Variants in TNRC6B observed in about 807,000 individuals in gnomAD.
TNRC6B encodes the protein trinucleotide repeat-containing gene 6B protein.
TNRC6B carries 52 observed loss-of-function variants against 203.6 expected under a neutral mutation model. That is an observed-to-expected ratio of 0.26 (90% CI 0.20 to 0.32). The LOEUF (loss-of-function observed/expected upper bound fraction) is 0.32. Among genes scored for constraint, TNRC6B ranks in the 10% least tolerant of loss-of-function variants. TNRC6B has a pLI of 1.00. For missense variants in TNRC6B, 1,923 were observed against 2,286.2 expected, an observed-to-expected ratio of 0.84 and a Z score of 3.24; for synonymous variants, 838 against 845.7, an observed-to-expected ratio of 0.99 and a Z score of 0.16.
intron 12 of TNRC6B, among the ~76,000 whole-genome samples, chr22:40,286,044 A>G (rs2070775481): frequency 6.6e-6 from 1 of 152,200 alleles, no homozygotes; most frequent in African/African-American, 2.4e-5. Context: ...TGAAAAGCTT[A>G]TTATTCTATT....
Position 40,195,376 on chromosome 22 carries a change from G to A in TNRC6B, c.5+17236G>A, listed in dbSNP as rs141144336. On this transcript the variant is annotated intron_variant, in intron 1 of 22. Transcript: ENST00000454349. ...TCCCAGTGTTTTCTTTTGAGGCCAC[G>A]TGTTTGAAATGTCTAACCTGCTGGG... 1.5e-3 allele frequency among the ~76,000 whole-genome samples: 228 copies of A among 152,274 alleles called. 1 individual carries two copies. Among genetic ancestry groups the A allele is most frequent in the African/African-American group, 5.2e-3 (217 of 41,568 alleles).
chr22:40,278,124 G>A, intron 9 of TNRC6B, 80 bp downstream of exon 9: 1 of 1,097,910 alleles, frequency 9.1e-7, no homozygotes, highest in East Asian at 2.6e-5. Flanking sequence ...AATTTGATTA[G>A]GGATAGGTGC....
At chr22:40,253,153 C>G (rs1212218519) in intron 3 of TNRC6B, among the ~76,000 whole-genome samples, 1 of 149,726 alleles carries the variant, frequency 6.7e-6, no homozygotes, top group East Asian at 1.9e-4. Flanking sequence ...GCGATCTCGG[C>G]TCACTGCAAG....
chr22:40,114,608 G>A (rs920360189), intron 1 of TNRC6B, among the ~76,000 whole-genome samples: 11 of 152,124 alleles, frequency 7.2e-5, no homozygotes, highest in African/African-American at 2.7e-4. Flanking sequence ...GATTATAGGA[G>A]TGAGCCACCA....
chr22:40,230,306 T>A (rs868771271), intron 1 of TNRC6B, among the ~76,000 whole-genome samples: 50 of 122,328 alleles, frequency 4.1e-4, no homozygotes, highest in African/African-American at 1.3e-3. Flanking sequence ...TTTTTTTTTT[T>A]AAAGACAGGT....
chr22:40,323,155 C>G lies in TNRC6B; in HGVS notation c.5416C>G (p.Pro1806Ala). The change falls in exon 23 of 23, where the codon CCA (proline) becomes GCA (alanine). Residue 1806 changes from proline to alanine, a missense_variant. Around this residue, in one of 8 missense-constraint regions of TNRC6B, gnomAD observed 126 missense variants for 137.5 expected, o/e 0.92. Coordinates refer to ENST00000454349, the MANE Select transcript of TNRC6B (RefSeq NM_001162501.2). ...CTATTCTTCTAGCTTATGGGGAGTC[C>G]CAACGGTGGAAGATCCCCATAGGAT... ...PNYSSSLWGV[P>A]TVEDPHRMGS... 6.2e-7 allele frequency: 1 copy of G among 1,613,846 alleles called. No homozygotes were observed. The highest frequency in any genetic ancestry group is 8.5e-7 in the Non-Finnish European group (1 of 1,179,860).
chr22:40,065,471 A>G (rs1466110670), intron 1 of TNRC6B, among the ~76,000 whole-genome samples: 1 of 152,060 alleles, frequency 6.6e-6, no homozygotes, highest in Non-Finnish European at 1.5e-5. Flanking sequence ...TTTTTTTATT[A>G]TGAATTTAGT....
chr22:40,222,728 C>CTCTTTTTTTTTTTTTTTTTTTTTT (rs2069728214), intron 1 of TNRC6B, among the ~76,000 whole-genome samples: 1 of 40,184 alleles, frequency 2.5e-5, no homozygotes, highest in Non-Finnish European at 4.0e-5. Context: ...CTCTCTCTCT[C>CTCTTTTTTTTTTTTTTTTTTTTTT]TTTTTTTTTT....
chr22:40,279,846 A>G (rs1331792976), intron 9 of TNRC6B, 149 bp from the exon 10 acceptor site: 3 of 594,268 alleles, frequency 5.0e-6, no homozygotes, highest in South Asian at 3.4e-5. Context: ...GCCTGGACCA[A>G]TGAGAGTTTG....
intron 2 of TNRC6B, among the ~76,000 whole-genome samples, chr22:40,123,115 G>A (rs2068459510): frequency 6.6e-6 from 1 of 152,176 alleles, no homozygotes; most frequent in Non-Finnish European, 1.5e-5. Flanking sequence ...GAGGGCTGTA[G>A]TAGTAGAGAA....
At chr22:40,059,891 C>T (rs928491670) in intron 1 of TNRC6B, among the ~76,000 whole-genome samples, 10 of 147,928 alleles carry the variant, frequency 6.8e-5, no homozygotes, top group African/African-American at 1.2e-4. Context: ...GGTGCAGTCT[C>T]GGCTCACTGC....
intron 4 of TNRC6B, among the ~76,000 whole-genome samples, chr22:40,162,309 T>C (rs2068878109): frequency 6.6e-6 from 1 of 152,168 alleles, no homozygotes. Flanking sequence ...TTAGCCAGGA[T>C]GGTTTCAATC....
chr22:40,225,994 G>T (rs953597804), intron 1 of TNRC6B, among the ~76,000 whole-genome samples: 1 of 152,140 alleles, frequency 6.6e-6, no homozygotes, highest in East Asian at 1.9e-4. Flanking sequence ...TCAAAATGCT[G>T]TATGTAAATC....
At chr22:40,125,875 C>A in intron 3 of TNRC6B, 1 of 1,610,318 alleles carries the variant, frequency 6.2e-7, no homozygotes, top group Non-Finnish European at 8.5e-7. Flanking sequence ...CAGTAAATTA[C>A]TGAAAGGTAC....
intron 1 of TNRC6B, among the ~76,000 whole-genome samples, chr22:40,206,722 C>T (rs763423154): frequency 6.7e-6 from 1 of 149,366 alleles, no homozygotes; most frequent in African/African-American, 2.5e-5. Context: ...TGGGTCAGCG[C>T]GTAAGTGGGA....
At chr22:40,197,421 G>C in intron 1 of TNRC6B, among the ~76,000 whole-genome samples, 1 of 151,786 alleles carries the variant, frequency 6.6e-6, no homozygotes. Context: ...CAAGTAGCTG[G>C]GATTACAGGT....
chr22:40,149,220 A>G (rs934811272), intron 3 of TNRC6B, among the ~76,000 whole-genome samples: 1 of 152,234 alleles, frequency 6.6e-6, no homozygotes, highest in Admixed American at 6.5e-5. Flanking sequence ...CACATGGATG[A>G]ATTTCAGAAT....
chr22:40,200,389 C>T (rs866134028), intron 1 of TNRC6B, among the ~76,000 whole-genome samples: 2 of 131,876 alleles, frequency 1.5e-5, no homozygotes, highest in Non-Finnish European at 3.1e-5. Context: ...CGGGTTCAAG[C>T]GTTTCTCCTG....
chr22:40,219,965 T>G (rs1001855377), intron 1 of TNRC6B, among the ~76,000 whole-genome samples: 1 of 152,218 alleles, frequency 6.6e-6, no homozygotes, highest in Non-Finnish European at 1.5e-5. Context: ...TGGAGGACAC[T>G]AAATGAACGC....
Sources: gnomAD v4.1 joint callset for allele counts (sites outside exome capture counted in the v4.1 genomes callset) on GRCh38, gnomAD v4.1.1 for gene constraint, gnomAD v4.1.1 regional missense constraint, MANE v1.5 for transcripts, NCBI Gene and HGNC (gene_info 2026-07-23, HGNC 2026-07-21) for gene names.